Variants in SKAP1 observed in about 807,000 individuals in gnomAD.
SKAP1 encodes src kinase associated phosphoprotein 1.
In SKAP1, 44 loss-of-function variants were observed where a neutral mutation model predicts 58.5. The ratio of observed to expected loss-of-function variants is 0.75; its 90% confidence interval spans 0.59 to 0.97. The LOEUF is 0.97. SKAP1 is among the 50% of genes least tolerant of loss of function. The pLI, the probability that SKAP1 is intolerant of heterozygous loss-of-function variation, is 0.00. For synonymous variants in SKAP1, 127 were observed against 149.7 expected, an observed-to-expected ratio of 0.85 and a Z score of 1.11; for missense variants, 390 against 435.2, an observed-to-expected ratio of 0.90 and a Z score of 0.92.
intron 4 of SKAP1, among the ~76,000 whole-genome samples, chr17:48,260,141 G>GAAGT (rs1486270916): frequency 1.3e-5 from 2 of 152,098 alleles, no homozygotes; most frequent in Non-Finnish European, 2.9e-5. Context: ...TGAAAAGAGA[G>GAAGT]AAGTGTTGGA....
chr17:48,145,969 C>T (rs913291869), intron 11 of SKAP1, among the ~76,000 whole-genome samples: 13 of 152,180 alleles, frequency 8.5e-5, no homozygotes, highest in Admixed American at 3.3e-4. Flanking sequence ...AATCTTTGAA[C>T]TCCCTGAAAC....
At chr17:48,426,850 T>G (rs944045211) in intron 1 of SKAP1, among the ~76,000 whole-genome samples, 1 of 67,310 alleles carries the variant, frequency 1.5e-5, no homozygotes, top group Non-Finnish European at 2.9e-5. Flanking sequence ...AGATAGCGTG[T>G]TTTTTTTTTT....
chr17:48,317,199 A>G lies in SKAP1; in HGVS notation c.280+28706T>C, dbSNP rs560483336. Among the ~76,000 whole-genome samples, 13 of 152,330 alleles carry G rather than the reference A, an allele frequency of 8.5e-5. No homozygotes were observed. The East Asian group carries it at 1.3e-3, about 16-fold the overall frequency. On this transcript the variant is annotated intron_variant, in intron 4 of 12. Transcript: ENST00000336915. ...GCTGAATGAAGAGAAGGGACTCCCAATGGAAATAAACCTATGAAAAATCAC... is the reference window on the plus strand; with the variant it reads ...GCTGAATGAAGAGAAGGGACTCCCAGTGGAAATAAACCTATGAAAAATCAC...
chr17:48,208,458 T>C (rs1274238071), intron 4 of SKAP1, among the ~76,000 whole-genome samples: 1 of 152,210 alleles, frequency 6.6e-6, no homozygotes, highest in Admixed American at 6.5e-5. Context: ...ATGCTGGAAA[T>C]ATTAAATGAT....
chr17:48,303,485 A>T (rs150133244), intron 4 of SKAP1, among the ~76,000 whole-genome samples: 25 of 152,338 alleles, frequency 1.6e-4, no homozygotes, highest in Non-Finnish European at 2.6e-4. Context: ...CTTAAGAAGC[A>T]CTTTATTCAC....
intron 4 of SKAP1, among the ~76,000 whole-genome samples, chr17:48,263,957 C>T (rs990089137): frequency 3.3e-5 from 5 of 151,920 alleles, no homozygotes; most frequent in East Asian, 1.9e-4. Context: ...GAGACAGAGA[C>T]GTACATTTGC....
intron 4 of SKAP1, among the ~76,000 whole-genome samples, chr17:48,301,209 T>G (rs539916006): frequency 6.6e-6 from 1 of 152,282 alleles, no homozygotes; most frequent in East Asian, 1.9e-4. Flanking sequence ...GAGTACTCAC[T>G]CACTCTAAGA....
chr17:48,398,711 C>T (rs1385114756), intron 1 of SKAP1, among the ~76,000 whole-genome samples: 1 of 152,128 alleles, frequency 6.6e-6, no homozygotes, highest in Non-Finnish European at 1.5e-5. Flanking sequence ...GGCGTGGTGG[C>T]TCACGCCTGT....
Position 48,348,681 on chromosome 17 carries a change from C to T in SKAP1, c.179-2675G>A, listed in dbSNP as rs957285303. Among the ~76,000 whole-genome samples, 3 of 152,160 alleles carry T rather than the reference C, an allele frequency of 2.0e-5. No individual in the cohort carries two copies. In the East Asian group the frequency reaches 5.8e-4, roughly 29 times the overall value. On this transcript the variant is annotated intron_variant, in intron 3 of 12. Transcript: ENST00000336915. ...ACTTTTTCTGTTTTGGGATCCAATC[C>T]AGGGTATCACATTGCCTTCACAGTC...
intron 3 of SKAP1, 107 bp from the exon 4 acceptor site, chr17:48,346,113 A>C: frequency 1.7e-6 from 1 of 572,398 alleles, no homozygotes; most frequent in Non-Finnish European, 2.9e-6. Flanking sequence ...TATTCGAAAA[A>C]AAAGTGTATC....
At chr17:48,321,818 T>G (rs2066371667) in intron 4 of SKAP1, among the ~76,000 whole-genome samples, 5 of 152,118 alleles carry the variant, frequency 3.3e-5, no homozygotes, top group Admixed American at 3.3e-4. Context: ...CACCCTTTCC[T>G]CCCAAAATAT....
chr17:48,405,403 T>TTCTA (rs1181122196), intron 1 of SKAP1, among the ~76,000 whole-genome samples: 1 of 60,044 alleles, frequency 1.7e-5, no homozygotes, highest in Non-Finnish European at 3.3e-5. Context: ...CTTTCTTTCT[T>TTCTA]TCTTTCTTTC....
At chr17:48,230,835 T>C (rs532616413) in intron 4 of SKAP1, among the ~76,000 whole-genome samples, 2 of 152,264 alleles carry the variant, frequency 1.3e-5, no homozygotes, top group South Asian at 4.1e-4. Flanking sequence ...AGACATGTAA[T>C]GAAATGGAAT....
In SKAP1 at chr17:48,323,784, G is replaced by A. The variant is rs151173606; in HGVS notation, c.280+22121C>T. On this transcript the variant is annotated intron_variant, in intron 4 of 12. Transcript: ENST00000336915. ...GACAAAAAAGAGGGACAAGAGGAAC[G>A]ATGCTGAGTGGGGTCAGGTTCCAAA... Among the ~76,000 whole-genome samples, 5 of 152,106 alleles carry A rather than the reference G, an allele frequency of 3.3e-5. No homozygotes were observed. The East Asian group carries it at 5.8e-4, about 18-fold the overall frequency.
intron 2 of SKAP1, among the ~76,000 whole-genome samples, chr17:48,376,114 T>C (rs1374164312): frequency 6.7e-6 from 1 of 149,940 alleles, no homozygotes; most frequent in African/African-American, 2.5e-5. Context: ...TTTTTGTCAC[T>C]GTTGACGCTT....
intron 7 of SKAP1, 149 bp downstream of exon 7, chr17:48,184,574 G>T (rs1598405064): frequency 1.0e-6 from 1 of 968,452 alleles, no homozygotes; most frequent in Non-Finnish European, 1.6e-6. Context: ...GCAAATATGA[G>T]GACATGCCAA....
chr17:48,241,324 A>G (rs569702624), intron 4 of SKAP1, among the ~76,000 whole-genome samples: 1 of 152,176 alleles, frequency 6.6e-6, no homozygotes, highest in East Asian at 1.9e-4. Context: ...CTCTGTGTCC[A>G]TATGTATGTG....
chr17:48,326,044 C>T (rs1028771069), intron 4 of SKAP1, among the ~76,000 whole-genome samples: 1 of 152,272 alleles, frequency 6.6e-6, no homozygotes, highest in South Asian at 2.1e-4. Flanking sequence ...TGTGTGCAAA[C>T]AACGTAAATC....
chr17:48,138,531 G>A (rs779317196), intron 11 of SKAP1, among the ~76,000 whole-genome samples: 15 of 151,990 alleles, frequency 9.9e-5, no homozygotes, highest in Middle Eastern at 3.4e-3. Context: ...CACCACGCCC[G>A]GCTAATTTTT....
Sources: allele counts gnomAD v4.1 joint callset (sites outside exome capture counted in the v4.1 genomes callset), GRCh38; gene constraint gnomAD v4.1.1; transcripts MANE v1.5; gene names NCBI Gene and HGNC (gene_info 2026-07-23, HGNC 2026-07-21).